Variants in EPHA3 observed in about 807,000 individuals in gnomAD.
EPHA3 encodes the protein ephrin type-A receptor 3.
In EPHA3, 42 loss-of-function variants were observed where a neutral mutation model predicts 107.1. The observed-to-expected ratio is 0.39, with a 90% confidence interval of 0.31 to 0.51. The LOEUF is 0.51. EPHA3 is among the 20% of genes least tolerant of loss of function. EPHA3 has a pLI of 0.78. For missense variants in EPHA3, 1,183 were observed against 1,211.2 expected (o/e 0.98, Z 0.35); for synonymous variants, 461 against 424.8 (o/e 1.09, Z -1.05).
chr3:89,289,045 T>C (rs893746357), intron 3 of EPHA3, among the ~76,000 whole-genome samples: 1 of 152,158 alleles, frequency 6.6e-6, no homozygotes, highest in Non-Finnish European at 1.5e-5. Context: ...TCTTTACCTA[T>C]ACTAATCCAG....
At chr3:89,413,694 A>G (rs1027890503) in intron 10 of EPHA3, among the ~76,000 whole-genome samples, 1 of 151,796 alleles carries the variant, frequency 6.6e-6, no homozygotes, top group Non-Finnish European at 1.5e-5. Flanking sequence ...ATCTTACATA[A>G]ATTTTATCAC....
At chr3:89,270,158 A>G (rs1705633883) in intron 3 of EPHA3, among the ~76,000 whole-genome samples, 1 of 152,074 alleles carries the variant, frequency 6.6e-6, no homozygotes, top group Admixed American at 6.6e-5. Context: ...TATATAAAAG[A>G]TTCATTAATT....
chr3:89,397,725 A>G (rs906248832), intron 6 of EPHA3, among the ~76,000 whole-genome samples: 1 of 152,044 alleles, frequency 6.6e-6, no homozygotes, highest in African/African-American at 2.4e-5. Context: ...CTGGGATGAT[A>G]GGCATGCGCC....
chr3:89,112,469 T>C (rs1707132804), intron 1 of EPHA3, among the ~76,000 whole-genome samples: 1 of 152,094 alleles, frequency 6.6e-6, no homozygotes, highest in Non-Finnish European at 1.5e-5. Context: ...CCATTTTTAA[T>C]ACTTTTCCAC....
intron 2 of EPHA3, among the ~76,000 whole-genome samples, chr3:89,177,558 G>C (rs897627668): frequency 1.3e-5 from 2 of 152,054 alleles, no homozygotes; most frequent in East Asian, 1.9e-4. Context: ...TCTCTTTTAG[G>C]TTTCATTTTT....
Position 89,319,204 on chromosome 3 carries a change from T to C in EPHA3, c.815-21712T>C, listed in dbSNP as rs144109053. 2.3e-3 allele frequency among the ~76,000 whole-genome samples: 345 copies of C among 151,966 alleles called. 1 individual carries two copies. The highest frequency in any genetic ancestry group is 7.7e-3 in the African/African-American group (321 of 41,512). On this transcript the variant is annotated intron_variant, in intron 3 of 16. Transcript: ENST00000336596. ...TTCTACTATAGAACCTAATAACTTCTGGGGAGAAAGATTGAGAGTAAGAGA... is the reference window on the plus strand; with the variant it reads ...TTCTACTATAGAACCTAATAACTTCCGGGGAGAAAGATTGAGAGTAAGAGA...
chr3:89,185,321 C>A (rs1178564132), intron 2 of EPHA3, among the ~76,000 whole-genome samples: 1 of 151,912 alleles, frequency 6.6e-6, no homozygotes, highest in African/African-American at 2.4e-5. Context: ...CCCCTACATA[C>A]ATGTTGAACT....
At chr3:89,259,993 C>T (rs1381267112) in intron 3 of EPHA3, among the ~76,000 whole-genome samples, 1 of 152,196 alleles carries the variant, frequency 6.6e-6, no homozygotes, top group Non-Finnish European at 1.5e-5. Flanking sequence ...CAAATAGCAG[C>T]ATCTTCTTTT....
At chr3:89,323,187 C>T (rs950061187) in intron 3 of EPHA3, among the ~76,000 whole-genome samples, 1 of 152,002 alleles carries the variant, frequency 6.6e-6, no homozygotes, top group African/African-American at 2.4e-5. Context: ...AATGTTTATA[C>T]ACAATATGTA....
chr3:89,151,777 T>C (rs1249629461), intron 2 of EPHA3, among the ~76,000 whole-genome samples: 1 of 151,988 alleles, frequency 6.6e-6, no homozygotes, highest in Non-Finnish European at 1.5e-5. Context: ...TACATGAGCA[T>C]AATAGAAATA....
intron 3 of EPHA3, among the ~76,000 whole-genome samples, chr3:89,254,644 C>A (rs886696359): frequency 6.6e-6 from 1 of 152,220 alleles, no homozygotes; most frequent in Non-Finnish European, 1.5e-5. Context: ...GCTTCCACCC[C>A]ACTCCCTTAT....
At chr3:89,113,114 G>T (rs1247632990) in intron 1 of EPHA3, among the ~76,000 whole-genome samples, 2 of 151,962 alleles carry the variant, frequency 1.3e-5, no homozygotes, top group African/African-American at 2.4e-5. Flanking sequence ...TTAAATAAAG[G>T]GTTGACCAGT....
intron 2 of EPHA3, among the ~76,000 whole-genome samples, chr3:89,152,594 T>G (rs1207175102): frequency 1.3e-5 from 2 of 152,116 alleles, no homozygotes; most frequent in Non-Finnish European, 2.9e-5. Flanking sequence ...ATTCTTTCAC[T>G]TATAGTTTCA....
intron 5 of EPHA3, among the ~76,000 whole-genome samples, chr3:89,371,993 G>A (rs1708314751): frequency 1.3e-5 from 2 of 149,984 alleles, no homozygotes; most frequent in Non-Finnish European, 3.0e-5. Context: ...TTATCTAAAA[G>A]CTTTCTTCAA....
chr3:89,327,708 C>A (rs1262281608), intron 3 of EPHA3, among the ~76,000 whole-genome samples: 1 of 152,004 alleles, frequency 6.6e-6, no homozygotes, highest in Non-Finnish European at 1.5e-5. Context: ...CATCAATATA[C>A]CCCTGAAAGT....
At chr3:89,308,964 G>A (rs1706698016) in intron 3 of EPHA3, among the ~76,000 whole-genome samples, 1 of 152,068 alleles carries the variant, frequency 6.6e-6, no homozygotes, top group Admixed American at 6.6e-5. Context: ...ACAGCATCTG[G>A]GAGGCAAACA....
chr3:89,154,315 A>G (rs1202702356), intron 2 of EPHA3, among the ~76,000 whole-genome samples: 1 of 151,234 alleles, frequency 6.6e-6, no homozygotes, highest in Non-Finnish European at 1.5e-5. Context: ...TGGACGCATA[A>G]AAAGGTGAGC....
intron 2 of EPHA3, 94 bp from the exon 3 acceptor site, chr3:89,209,766 G>C: frequency 9.5e-7 from 1 of 1,053,758 alleles, no homozygotes; most frequent in Non-Finnish European, 1.3e-6. Context: ...AGTAAATGAT[G>C]ATTTATTATA....
At chr3:89,445,351 G>T (rs1709859516) in intron 13 of EPHA3, among the ~76,000 whole-genome samples, 1 of 152,120 alleles carries the variant, frequency 6.6e-6, no homozygotes, top group Non-Finnish European at 1.5e-5. Context: ...CTTTTAGACT[G>T]AGTTGTTTGG....
Sources: allele counts gnomAD v4.1 joint callset (sites outside exome capture counted in the v4.1 genomes callset), GRCh38; gene constraint gnomAD v4.1.1; transcripts MANE v1.5; gene names NCBI Gene and HGNC (gene_info 2026-07-23, HGNC 2026-07-21).